Variants in GYPC observed in about 807,000 individuals in gnomAD.
GYPC encodes glycophorin-C.
A neutral mutation model predicts 12.6 loss-of-function variants in GYPC; 14 were observed. That is an observed-to-expected ratio of 1.11 (90% CI 0.74 to 1.74). The LOEUF (loss-of-function observed/expected upper bound fraction) is 1.74. Among genes scored for constraint, GYPC ranks in the 40% most tolerant of loss-of-function variants. The probability of loss-of-function intolerance (pLI) is 0.00; values close to 1 mark genes in which losing one functional copy is unlikely to be tolerated. For synonymous variants in GYPC, 78 were observed against 62.1 expected (o/e 1.26, Z -1.20); for missense variants, 225 against 172.1 (o/e 1.31, Z -1.72).
Position 126,696,446 on chromosome 2 carries a change from G to T in GYPC, c.*304G>T. The stretch of plus-strand genomic sequence containing the variant: ...CCCTGGGCAGTGCAGGACAACATCA[G>T]CTCACTGGCAGGAAAGTCCTTGTTG... On this transcript the variant is annotated 3_prime_UTR_variant, in exon 4 of 4. Transcript: ENST00000259254. 2.4e-6 allele frequency: 1 copy of T among 408,172 alleles called. No homozygotes were observed. Among genetic ancestry groups the T allele is most frequent in the South Asian group, 2.1e-5 (1 of 46,588 alleles). 25.3% of individuals were successfully genotyped at this position (408,172 alleles called of 1,614,324 possible).
chr2:126,674,243 G>T (rs1451058620), intron 1 of GYPC, among the ~76,000 whole-genome samples: 1 of 152,298 alleles, frequency 6.6e-6, no homozygotes, highest in South Asian at 2.1e-4. Context: ...AGCTGCAGGG[G>T]TACCTGGTGG....
chr2:126,681,504 G>T (rs1279798291), intron 1 of GYPC, among the ~76,000 whole-genome samples: 1 of 152,140 alleles, frequency 6.6e-6, no homozygotes, highest in African/African-American at 2.4e-5. Flanking sequence ...CCTAGAAGTG[G>T]ATTGCTTGAT....
chr2:126,670,420 T>C lies in GYPC; in HGVS notation c.49+14108T>C, dbSNP rs143179905. On this transcript the variant is annotated intron_variant, in intron 1 of 3. Coordinates refer to ENST00000259254, the MANE Select transcript of GYPC (RefSeq NM_002101.5). ...CACCTCCCCATTGCTGTCTCGGCCC[T>C]GCCATGAGCCAGTGAGGGTGGCCTT... Among the ~76,000 whole-genome samples, 39 of 152,344 alleles carry C rather than the reference T, an allele frequency of 2.6e-4. 2 individuals are homozygous for C. In the East Asian group the frequency reaches 7.1e-3, roughly 28 times the overall value.
At chr2:126,666,752 CACACAT>C (rs1193977975) in intron 1 of GYPC, among the ~76,000 whole-genome samples, 19 of 142,926 alleles carry the variant, frequency 1.3e-4, no homozygotes, top group African/African-American at 4.6e-4. Flanking sequence ...CACACACACA[CACACAT>C]ATGCACGCAC....
intron 1 of GYPC, among the ~76,000 whole-genome samples, chr2:126,660,152 C>T (rs1157161964): frequency 6.6e-6 from 1 of 152,208 alleles, no homozygotes; most frequent in Non-Finnish European, 1.5e-5. Context: ...CCAGGCAGGG[C>T]CTGCTGCTGT....
Position 126,696,505 on chromosome 2 carries a change from G to A in GYPC, c.*363G>A. ...GGGGTGCTGGGGTACCCGGGGGCTG[G>A]GGAAGCAAGGAAATAAGTCATCTGT... is the stretch of plus-strand genomic sequence containing the variant. On this transcript the variant is annotated 3_prime_UTR_variant, in exon 4 of 4. Transcript: ENST00000259254. 2.8e-6 allele frequency: 1 copy of A among 351,390 alleles called. No individual in the cohort carries two copies. Among genetic ancestry groups the A allele is most frequent in the African/African-American group, 2.1e-5 (1 of 47,262 alleles). 21.8% of individuals were successfully genotyped at this position (351,390 alleles called of 1,614,324 possible).
chr2:126,686,562 G>C, intron 1 of GYPC: 3 of 984,526 alleles, frequency 3.0e-6, no homozygotes, highest in Non-Finnish European at 1.2e-6. Context: ...TTCAGCAGTT[G>C]TCATTCAGTG....
chr2:126,663,131 T>G (rs1464811686), intron 1 of GYPC, among the ~76,000 whole-genome samples: 2 of 152,150 alleles, frequency 1.3e-5, no homozygotes, highest in Admixed American at 6.5e-5. Flanking sequence ...TCCGACTCCC[T>G]GGTTCAAGCA....
At chr2:126,678,457 TGAGCCTGTGTGCCTCTGGCTCATACA>T (rs1047291840) in intron 1 of GYPC, 3 of 152,360 alleles carry the variant, frequency 2.0e-5, no homozygotes, top group African/African-American at 4.8e-5. Context: ...CCCATCCCAC[TGAGCCTGTGTGCCTCTGGCTCATACA>T]GAGCCAGTGT....
intron 2 of GYPC, among the ~76,000 whole-genome samples, chr2:126,692,644 G>A (rs1257357197): frequency 4.6e-5 from 7 of 152,118 alleles, no homozygotes; most frequent in Non-Finnish European, 8.8e-5. Context: ...GCAGCTCTAG[G>A]AAACATCCCG....
At chr2:126,675,561 T>A (rs1682975035) in intron 1 of GYPC, 1 of 256,400 alleles carries the variant, frequency 3.9e-6, no homozygotes. Context: ...TGATTCTTTC[T>A]CAGTAGCTTC....
At chr2:126,692,924 C>A (rs1198519022) in intron 2 of GYPC, among the ~76,000 whole-genome samples, 5 of 152,198 alleles carry the variant, frequency 3.3e-5, no homozygotes, top group Non-Finnish European at 7.3e-5. Context: ...CATCACGTCT[C>A]TGAACCTTGG....
At chr2:126,674,199 A>G (rs978955190) in intron 1 of GYPC, among the ~76,000 whole-genome samples, 4 of 152,162 alleles carry the variant, frequency 2.6e-5, no homozygotes, top group South Asian at 2.1e-4. Context: ...TAAGCCTCCG[A>G]GCGGGAGAAG....
intron 3 of GYPC, among the ~76,000 whole-genome samples, chr2:126,694,982 G>A (rs983316921): frequency 1.1e-4 from 16 of 152,112 alleles, no homozygotes; most frequent in East Asian, 1.9e-4. Context: ...ACCGCCCCTC[G>A]CACAGCCACC....
At chr2:126,660,602 TCC>T (rs1185364377) in intron 1 of GYPC, among the ~76,000 whole-genome samples, 1 of 151,870 alleles carries the variant, frequency 6.6e-6, no homozygotes, top group Non-Finnish European at 1.5e-5. Context: ...ACCCCGCCTG[TCC>T]CCCACTCAGG....
At position 126,656,787 on chromosome 2, in the gene GYPC, C is replaced by T. The variant is rs182681862; in HGVS notation, c.49+475C>T. 3.9e-5 allele frequency among the ~76,000 whole-genome samples: 6 copies of T among 152,344 alleles called. No homozygotes were observed. The East Asian group carries it at 1.2e-3, about 29-fold the overall frequency. On this transcript the variant is annotated intron_variant, in intron 1 of 3. Coordinates refer to ENST00000259254, the MANE Select transcript of GYPC (RefSeq NM_002101.5). ...GGGACTTGCTCGCTCCGCTGGGCGC[C>T]GCAAAGGCACACAGATGCGAGGGAA... is the stretch of plus-strand genomic sequence containing the variant.
At chr2:126,670,663 C>T (rs1300059540) in intron 1 of GYPC, among the ~76,000 whole-genome samples, 3 of 152,124 alleles carry the variant, frequency 2.0e-5, no homozygotes, top group Non-Finnish European at 2.9e-5. Flanking sequence ...AGGCACCTTG[C>T]GTGAGAGGCT....
chr2:126,683,395 C>G (rs955823650), intron 1 of GYPC, among the ~76,000 whole-genome samples: 1 of 152,062 alleles, frequency 6.6e-6, no homozygotes, highest in Non-Finnish European at 1.5e-5. Context: ...AAGTCCTCTC[C>G]CCAGTGGTGG....
intron 1 of GYPC, among the ~76,000 whole-genome samples, chr2:126,669,442 T>C (rs1479855140): frequency 6.6e-6 from 1 of 151,960 alleles, no homozygotes; most frequent in African/African-American, 2.4e-5. Flanking sequence ...CCCTCCCTCA[T>C]ATGTGCGGAA....
Sources: allele counts gnomAD v4.1 joint callset (sites outside exome capture counted in the v4.1 genomes callset), GRCh38; gene constraint gnomAD v4.1.1; transcripts MANE v1.5; gene names NCBI Gene and HGNC (gene_info 2026-07-23, HGNC 2026-07-21).